ABCA5: variants seen among roughly 807,000 people sequenced by gnomAD.
ABCA5 encodes the protein cholesterol transporter ABCA5.
In ABCA5, 163 loss-of-function variants were observed where a neutral mutation model predicts 206.0. The observed-to-expected ratio is 0.79, with a 90% CI of 0.70 to 0.90. The LOEUF (loss-of-function observed/expected upper bound fraction) is 0.90, where lower values mean the gene tolerates loss of function less well. Among genes scored for constraint, ABCA5 ranks in the 40% least tolerant of loss-of-function variants. The pLI is 0.00. For synonymous variants in ABCA5, 609 were observed against 613.8 expected, an observed-to-expected ratio of 0.99 and a Z score of 0.11; for missense variants, 1,859 against 1,912.9, an observed-to-expected ratio of 0.97 and a Z score of 0.53.
At chr17:69,296,032 C>T (rs2075580386) in intron 10 of ABCA5, among the ~76,000 whole-genome samples, 1 of 152,156 alleles carries the variant, frequency 6.6e-6, no homozygotes, top group African/African-American at 2.4e-5. Context: ...ACTTCTAAAA[C>T]TAAGTGAAGA....
chr17:69,251,567 G>T, intron 35 of ABCA5, 180 bp downstream of exon 35: 1 of 704,744 alleles, frequency 1.4e-6, no homozygotes, highest in Non-Finnish European at 2.1e-6. Flanking sequence ...CAAATTCAAA[G>T]TAGACAGCCA....
rs900829040 is a variant in ABCA5, at chr17:69,271,902, T to C, written c.2765-613A>G. On this transcript the variant is annotated intron_variant, in intron 20 of 38. Transcript: ENST00000392676. Reference sequence around the variant, plus strand: ...ATATTCAAACACATAATCACATCTCTACATTCTCTAAAGTACCTGGAGCCA... The same window carrying C: ...ATATTCAAACACATAATCACATCTCCACATTCTCTAAAGTACCTGGAGCCA... Among the ~76,000 whole-genome samples the C allele has an allele frequency of 2.0e-5, 3 of 152,136 alleles. No individual in the cohort carries two copies. The East Asian group carries it at 5.8e-4, about 29-fold the overall frequency.
chr17:69,255,396 A>G (rs982192253), intron 31 of ABCA5, 147 bp downstream of exon 31: 2 of 503,796 alleles, frequency 4.0e-6, no homozygotes, highest in African/African-American at 4.0e-5. Flanking sequence ...CAGATAACCC[A>G]AAAGATCATA....
At chr17:69,266,772 C>T (rs1248238049) in intron 23 of ABCA5, among the ~76,000 whole-genome samples, 2 of 149,048 alleles carry the variant, frequency 1.3e-5, no homozygotes, top group South Asian at 2.1e-4. Context: ...GTATATTTAA[C>T]AAAAATTGAA....
At position 69,255,615 on chromosome 17, in the gene ABCA5, C is replaced by A. The variant is rs751273723; in HGVS notation, c.3996G>T (p.Leu1332Phe). 6.3e-7 allele frequency: 1 copy of A among 1,580,428 alleles called. No individual in the cohort carries two copies. Among genetic ancestry groups the A allele is most frequent in the Non-Finnish European group, 8.5e-7 (1 of 1,170,882 alleles). The change falls in exon 31 of 39, where the codon TTG becomes TTT. Residue 1332 changes from leucine to phenylalanine, a missense_variant. Leu to Phe is a conservative substitution (Grantham distance 22). Transcript: ENST00000392676. The part of the protein sequence containing the change: ...CVKKGEILGL[L>F]GPNGAGKSTI... ...TGCTTTTGCCAGCACCATTTGGACCCAATAGTCCTAAGATCTCTCCTAAAG... is the reference window on the plus strand; with the variant it reads ...TGCTTTTGCCAGCACCATTTGGACCAAATAGTCCTAAGATCTCTCCTAAAG...
At chr17:69,270,849 C>T in intron 21 of ABCA5, 99 bp from the exon 22 acceptor site, 2 of 1,146,206 alleles carry the variant, frequency 1.7e-6, no homozygotes, top group Middle Eastern at 2.2e-4. Flanking sequence ...AATTCTCATA[C>T]AGAAAAACTG....
At chr17:69,277,927 T>C in intron 18 of ABCA5, 85 bp from the exon 19 acceptor site, 1 of 1,035,764 alleles carries the variant, frequency 9.7e-7, no homozygotes, top group Non-Finnish European at 1.4e-6. Flanking sequence ...TAAAGAAGCA[T>C]TGGTCTGGCA....
At chr17:69,290,904 T>G (rs762901108) in intron 12 of ABCA5, among the ~76,000 whole-genome samples, 1 of 152,142 alleles carries the variant, frequency 6.6e-6, no homozygotes, top group Non-Finnish European at 1.5e-5. Flanking sequence ...CCTCAAATAG[T>G]CTATAGTTCT....
intron 28 of ABCA5, among the ~76,000 whole-genome samples, chr17:69,258,138 T>A (rs930957341): frequency 1.3e-5 from 2 of 151,878 alleles, no homozygotes; most frequent in Non-Finnish European, 2.9e-5. Context: ...AAAATATAAC[T>A]ACCATTCAAC....
At chr17:69,298,335 G>T (rs1406871826) in intron 9 of ABCA5, among the ~76,000 whole-genome samples, 1 of 149,968 alleles carries the variant, frequency 6.7e-6, no homozygotes, top group Non-Finnish European at 1.5e-5. Flanking sequence ...AGGAAGGAAG[G>T]AAGGAAGGAA....
intron 24 of ABCA5, among the ~76,000 whole-genome samples, chr17:69,262,156 TGTCA>T (rs1382667692): frequency 6.6e-6 from 1 of 152,192 alleles, no homozygotes; most frequent in African/African-American, 2.4e-5. Context: ...AAGGGCCTGC[TGTCA>T]GTCATTTACA....
intron 1 of ABCA5, among the ~76,000 whole-genome samples, chr17:69,324,895 A>C (rs1246949425): frequency 6.6e-6 from 1 of 152,190 alleles, no homozygotes; most frequent in Non-Finnish European, 1.5e-5. Flanking sequence ...ACTCCTGCCT[A>C]GCTACATCAT....
Position 69,314,444 on chromosome 17 carries a change from AAAAC to A in ABCA5, c.-15-18_-15-15del, listed in dbSNP as rs576762695. On this transcript the variant is annotated splice_polypyrimidine_tract_variant and intron_variant, in intron 1 of 38. Transcript: ENST00000392676. The stretch of plus-strand genomic sequence containing the variant: ...TTCTGAATAAACCTATTAAAGAGGA[AAAAC>A]AAACAAACAAACCCGGAGCCACGCA... The A allele has an allele frequency of 1.3e-4, 193 of 1,514,728 alleles. No homozygotes were observed. The highest frequency in any genetic ancestry group is 1.2e-3 in the African/African-American group (88 of 72,306). 93.8% of individuals were successfully genotyped at this position (1,514,728 alleles called of 1,614,324 possible). A position where few individuals can be genotyped will look rare whatever the true frequency, so the allele number is the denominator to read the frequency against.
At chr17:69,325,177 C>G (rs1167659672) in intron 1 of ABCA5, among the ~76,000 whole-genome samples, 1 of 149,342 alleles carries the variant, frequency 6.7e-6, no homozygotes, top group Non-Finnish European at 1.5e-5. Flanking sequence ...GGCGTAGGGG[C>G]ACACAACTGT....
In ABCA5 at chr17:69,311,330, C is replaced by T. The variant is rs1403869641; in HGVS notation, c.307+1762G>A. On this transcript the variant is annotated intron_variant, in intron 3 of 38. Coordinates refer to ENST00000392676, the MANE Select transcript of ABCA5 (RefSeq NM_172232.4). Reference sequence around the variant, plus strand: ...ATGAATAAAGAGGGTGTTAGTTCAACATCCTACCAGTCATGTTATGTATGT... The same window carrying T: ...ATGAATAAAGAGGGTGTTAGTTCAATATCCTACCAGTCATGTTATGTATGT... 9.2e-5 allele frequency among the ~76,000 whole-genome samples: 14 copies of T among 152,232 alleles called. No homozygotes were observed. In the South Asian group the frequency reaches 2.3e-3, roughly 25 times the overall value.
rs2074973981 is a variant in ABCA5 at position 69,248,265 on chromosome 17, T to G, written c.4818A>C (p.Glu1606Asp). ...EEYSFSQATLEQVFVELTKEQ... is the reference protein window; with the variant it reads ...EEYSFSQATLDQVFVELTKEQ... ...TAAAAATTTAACTTTATAGTACCTGTTCCAATGTTGCTTGAGAAAAGCTAT... is the reference window on the plus strand; with the variant it reads ...TAAAAATTTAACTTTATAGTACCTGGTCCAATGTTGCTTGAGAAAAGCTAT... The change falls in exon 38 of 39, where the codon GAA becomes GAC. Residue 1606 changes from glutamate to aspartate, a missense_variant. Coordinates refer to ENST00000392676, the MANE Select transcript of ABCA5 (RefSeq NM_172232.4). The G allele has an allele frequency of 6.5e-7, 1 of 1,545,484 alleles. No individual in the cohort carries two copies. Among genetic ancestry groups the G allele is most frequent in the African/African-American group, 1.4e-5 (1 of 72,672 alleles).
At chr17:69,319,649 A>G (rs1299181545) in intron 1 of ABCA5, among the ~76,000 whole-genome samples, 1 of 152,228 alleles carries the variant, frequency 6.6e-6, no homozygotes, top group African/African-American at 2.4e-5. Context: ...ACATTTAAGA[A>G]AGAAAGTTTA....
rs1206285496 is a variant in ABCA5 at position 69,264,766 on chromosome 17, A to G, written c.3284T>C (p.Leu1095Ser). ...AAGGAACTTTACAGTATAAAAATAT[A>G]ATCCATAATGAAATGCCAATAAGCT... ...LGSLLAFHYG[L>S]YFYTVKFLAV... Residue 1095 changes from leucine to serine, a missense_variant, in exon 24 of 39, where the codon TTA becomes TCA. Physicochemically the swap from Leu to Ser is moderately radical, Grantham distance 145. Transcript: ENST00000392676. The G allele has an allele frequency of 1.3e-6, 2 of 1,583,136 alleles. No individual in the cohort carries two copies. Among genetic ancestry groups the G allele is most frequent in the Non-Finnish European group, 1.7e-6 (2 of 1,167,280 alleles).
rs765934554 is a variant in ABCA5, at chr17:69,255,613, C to T, written c.3998G>A (p.Gly1333Asp). ...TGTGCTTTTGCCAGCACCATTTGGACCCAATAGTCCTAAGATCTCTCCTAA... is the reference window on the plus strand; with the variant it reads ...TGTGCTTTTGCCAGCACCATTTGGATCCAATAGTCCTAAGATCTCTCCTAA... Reference protein sequence around the residue: ...VKKGEILGLLGPNGAGKSTII... With the variant: ...VKKGEILGLLDPNGAGKSTII... The change falls in exon 31 of 39, where the codon GGT becomes GAT. Residue 1333 changes from glycine to aspartate, a missense_variant. Gly to Asp is a moderately conservative substitution (Grantham distance 94). Coordinates refer to ENST00000392676, the MANE Select transcript of ABCA5 (RefSeq NM_172232.4). 6.3e-6 allele frequency: 10 copies of T among 1,579,242 alleles called. No individual in the cohort carries two copies. The Admixed American group carries it at 1.2e-4, about 19-fold the overall frequency.
Sources: allele counts gnomAD v4.1 joint callset (sites outside exome capture counted in the v4.1 genomes callset), GRCh38; gene constraint gnomAD v4.1.1; transcripts MANE v1.5; gene names NCBI Gene and HGNC (gene_info 2026-07-23, HGNC 2026-07-21).